CCDC171: variants seen among roughly 807,000 people sequenced by gnomAD.
CCDC171 encodes the protein coiled-coil domain-containing protein 171.
In CCDC171, 177 loss-of-function variants were observed where a neutral mutation model predicts 168.2. The observed-to-expected ratio is 1.05, with a 90% CI of 0.93 to 1.19. The LOEUF is 1.19. CCDC171 is among the 50% of genes most tolerant of loss of function. CCDC171 has a pLI of 0.00. For missense variants in CCDC171, 1,991 were observed against 1,539.0 expected (o/e 1.29, Z -4.91); for synonymous variants, 687 against 540.8 (o/e 1.27, Z -3.75).
At position 15,723,716 on chromosome 9, in the gene CCDC171, G is replaced by T; in HGVS notation, c.1461G>T (p.Gln487His). The change falls in exon 13 of 26, where the codon CAG (glutamine) becomes CAT (histidine). Residue 487 changes from glutamine to histidine, a missense_variant. By Grantham distance (24) the Gln-to-His change is conservative. Transcript: ENST00000380701. ...KACNELDSTK[Q>H]KIDSHTKNIK... ...GTAATGAACTTGATTCTACGAAACA[G>T]AAGATAGACTCTCACACTAAAAATA... 1 of 1,575,052 alleles carries T rather than the reference G, an allele frequency of 6.3e-7. No homozygotes were observed. The highest frequency in any genetic ancestry group is 8.7e-7 in the Non-Finnish European group (1 of 1,151,134).
chr9:15,753,813 A>C (rs575022826), intron 18 of CCDC171, among the ~76,000 whole-genome samples: 1 of 152,176 alleles, frequency 6.6e-6, no homozygotes, highest in Non-Finnish European at 1.5e-5. Context: ...AATTAAAGCA[A>C]GAGAATTATT....
At chr9:15,739,430 A>G (rs2054704466) in intron 16 of CCDC171, among the ~76,000 whole-genome samples, 2 of 152,196 alleles carry the variant, frequency 1.3e-5, no homozygotes, top group South Asian at 2.1e-4. Context: ...ACCTTAGTTC[A>G]GTAAAGACAA....
At chr9:15,905,534 G>A (rs1589069796) in intron 24 of CCDC171, among the ~76,000 whole-genome samples, 1 of 151,966 alleles carries the variant, frequency 6.6e-6, no homozygotes, top group Non-Finnish European at 1.5e-5. Flanking sequence ...TGTGTAGAGG[G>A]AAGTTTATAG....
chr9:16,046,756 C>T (rs1586858663), intron 1 of CCDC171, among the ~76,000 whole-genome samples: 1 of 152,294 alleles, frequency 6.6e-6, no homozygotes, highest in East Asian at 1.9e-4. Context: ...TAAGATGTGC[C>T]TTTCACCTTC....
At chr9:15,889,999 T>C (rs1819974438) in intron 24 of CCDC171, among the ~76,000 whole-genome samples, 1 of 152,144 alleles carries the variant, frequency 6.6e-6, no homozygotes. Flanking sequence ...TATCACTTAA[T>C]AGTATTTAGA....
intron 23 of CCDC171, among the ~76,000 whole-genome samples, chr9:15,868,723 A>G (rs961297954): frequency 8.6e-5 from 13 of 152,016 alleles, no homozygotes; most frequent in African/African-American, 7.2e-5. Context: ...TTGTTCATAT[A>G]TAGATATTAA....
intron 21 of CCDC171, among the ~76,000 whole-genome samples, chr9:15,832,653 T>C (rs2060281322): frequency 6.6e-6 from 1 of 152,150 alleles, no homozygotes; most frequent in Admixed American, 6.5e-5. Flanking sequence ...GGACTGGAAG[T>C]TGCTCTGAGT....
intron 24 of CCDC171, among the ~76,000 whole-genome samples, chr9:15,899,314 C>G (rs1299908190): frequency 6.6e-6 from 1 of 151,970 alleles, no homozygotes; most frequent in African/African-American, 2.4e-5. Flanking sequence ...ATGCAAGTTT[C>G]TGTTTGGGCA....
chr9:15,762,905 G>C (rs956443401), intron 18 of CCDC171, among the ~76,000 whole-genome samples: 3 of 152,126 alleles, frequency 2.0e-5, no homozygotes, highest in African/African-American at 4.8e-5. Context: ...GTGCAAAGGA[G>C]TGTAGCTGAA....
intron 3 of CCDC171, among the ~76,000 whole-genome samples, chr9:16,019,059 G>A (rs752430025): frequency 6.6e-6 from 1 of 152,188 alleles, no homozygotes; most frequent in Non-Finnish European, 1.5e-5. Flanking sequence ...GAACAAATCT[G>A]TTGCAAAGGC....
chr9:15,920,500 A>G (rs1018112898), intron 25 of CCDC171, 78 bp downstream of exon 25: 25 of 1,038,020 alleles, frequency 2.4e-5, no homozygotes, highest in Admixed American at 1.4e-4. Flanking sequence ...TAATGTTCAT[A>G]AGATCATTTG....
At chr9:15,561,717 G>C (rs572634128) in intron 1 of CCDC171, among the ~76,000 whole-genome samples, 1 of 151,980 alleles carries the variant, frequency 6.6e-6, no homozygotes, top group Admixed American at 6.6e-5. Flanking sequence ...GCCACTGACC[G>C]TATCAACTTT....
At chr9:15,586,439 T>G (rs554198977) in intron 4 of CCDC171, among the ~76,000 whole-genome samples, 2 of 152,180 alleles carry the variant, frequency 1.3e-5, no homozygotes, top group South Asian at 4.1e-4. Context: ...AGCAAATGGA[T>G]GAGGAATAAC....
chr9:15,822,129 T>C (rs1488927184), intron 21 of CCDC171, among the ~76,000 whole-genome samples: 1 of 152,140 alleles, frequency 6.6e-6, no homozygotes, highest in Non-Finnish European at 1.5e-5. Context: ...TGGCTAGCCA[T>C]ATGTAGAAAG....
intron 19 of CCDC171, 125 bp downstream of exon 19, chr9:15,777,951 T>A: frequency 1.6e-6 from 1 of 633,876 alleles, no homozygotes; most frequent in Non-Finnish European, 2.5e-6. Flanking sequence ...ATAGTTCATG[T>A]AAAATTTTAA....
At chr9:15,591,907 A>G (rs117450183) in intron 5 of CCDC171, among the ~76,000 whole-genome samples, 1,546 of 152,302 alleles carry the variant, frequency 0.01, 15 homozygotes, top group Non-Finnish European at 0.015. Flanking sequence ...GTCTGAATAT[A>G]CAATAAATAT....
In CCDC171 at chr9:15,734,561, A is replaced by C. The variant is rs2054363161; in HGVS notation, c.2049+4763A>C. Among the ~76,000 whole-genome samples the C allele has an allele frequency of 2.0e-5, 3 of 152,278 alleles. No homozygotes were observed. The South Asian group carries it at 6.2e-4, about 32-fold the overall frequency. ...AACTCCATTTAAAAATAAATAAATA[A>C]ATAAATAAATAGGCATATATTCTGT... is the stretch of plus-strand genomic sequence containing the variant. On this transcript the variant is annotated intron_variant, in intron 16 of 25. Transcript: ENST00000380701.
At chr9:15,619,118 G>C (rs1442225494) in intron 6 of CCDC171, among the ~76,000 whole-genome samples, 2 of 151,826 alleles carry the variant, frequency 1.3e-5, no homozygotes, top group African/African-American at 4.8e-5. Context: ...TCTCCCTCTC[G>C]TCTGGCCTTC....
At chr9:15,569,846 C>CAAAAACAAA (rs1554680996) in intron 2 of CCDC171, among the ~76,000 whole-genome samples, 50,887 of 139,460 alleles carry the variant, frequency 0.36, 9,901 homozygotes, top group East Asian at 0.68. Flanking sequence ...AACAAACAAA[C>CAAAAACAAA]AAAAAAAAAA....
Sources: gnomAD v4.1 joint callset for allele counts (sites outside exome capture counted in the v4.1 genomes callset) on GRCh38, gnomAD v4.1.1 for gene constraint, MANE v1.5 for transcripts, NCBI Gene and HGNC (gene_info 2026-07-23, HGNC 2026-07-21) for gene names.